Variants in BRAF observed in about 807,000 individuals in gnomAD.
The protein encoded by BRAF is B-Raf proto-oncogene, serine/threonine kinase.
A neutral mutation model predicts 104.6 loss-of-function variants in BRAF; 16 were observed. That is an observed-to-expected ratio of 0.15 (90% CI 0.10 to 0.23). The LOEUF (loss-of-function observed/expected upper bound fraction) is 0.23, where lower values mean the gene tolerates loss of function less well. Ranked by LOEUF, BRAF falls within the 10% of genes least tolerant of loss-of-function variation. The probability of loss-of-function intolerance (pLI) is 1.00; values close to 1 mark genes in which losing one functional copy is unlikely to be tolerated. For synonymous variants in BRAF, 310 were observed against 341.6 expected (o/e 0.91, Z 1.02); for missense variants, 541 against 937.3 (o/e 0.58, Z 5.52).
intron 1 of BRAF, among the ~76,000 whole-genome samples, chr7:140,913,468 G>GTTT (rs1817228923): frequency 1.2e-5 from 1 of 85,178 alleles, no homozygotes; most frequent in East Asian, 4.6e-4. Flanking sequence ...GTTAATCACA[G>GTTT]CTTTTTTTTT....
At chr7:140,714,348 C>T (rs1795090930), downstream of BRAF, among the ~76,000 whole-genome samples, 1 of 152,156 alleles carries the variant, frequency 6.6e-6, no homozygotes, top group Admixed American at 6.5e-5. Context: ...CAGAATTCTC[C>T]TCTACCCACA....
At chr7:140,785,246 T>A (rs1472764680) in intron 10 of BRAF, among the ~76,000 whole-genome samples, 1 of 152,108 alleles carries the variant, frequency 6.6e-6, no homozygotes, top group African/African-American at 2.4e-5. Context: ...TAAAATCTCA[T>A]AATAGAAGTT....
chr7:140,878,554 G>T (rs932213251), intron 1 of BRAF, among the ~76,000 whole-genome samples: 2 of 148,394 alleles, frequency 1.3e-5, no homozygotes, highest in Admixed American at 1.3e-4. Flanking sequence ...GGATCTCATG[G>T]AGGTAGACAG....
intron 3 of BRAF, among the ~76,000 whole-genome samples, chr7:140,817,617 T>C (rs752040604): frequency 6.6e-6 from 1 of 152,108 alleles, no homozygotes; most frequent in Non-Finnish European, 1.5e-5. Flanking sequence ...TGGAACAGAA[T>C]AGAGAACAAT....
intron 1 of BRAF, among the ~76,000 whole-genome samples, chr7:140,907,747 CT>C (rs565747786): frequency 3.0e-3 from 432 of 143,126 alleles, no homozygotes; most frequent in African/African-American, 3.4e-3. Flanking sequence ...ACCAAAGTAA[CT>C]TTTTTTTTTT....
chr7:140,895,925 T>C (rs1814837232), intron 1 of BRAF, among the ~76,000 whole-genome samples: 1 of 152,188 alleles, frequency 6.6e-6, no homozygotes, highest in Admixed American at 6.5e-5. Flanking sequence ...TTCCCTTCCT[T>C]TGGGTAAACG....
In BRAF at chr7:140,793,697, C is replaced by T. The variant is rs541136908; in HGVS notation, c.1140+611G>A. On this transcript the variant is annotated intron_variant, in intron 8 of 19. Coordinates refer to ENST00000644969, the MANE Select transcript of BRAF (RefSeq NM_001374258.1). Reference sequence around the variant, plus strand: ...CTGGAGTGCAGTGGTGCAAACATAGCTCACTGCAGCCTTGACCTCCTGGGC... The same window carrying T: ...CTGGAGTGCAGTGGTGCAAACATAGTTCACTGCAGCCTTGACCTCCTGGGC... 5.9e-5 allele frequency among the ~76,000 whole-genome samples: 9 copies of T among 152,242 alleles called. No individual in the cohort carries two copies. In the South Asian group the frequency reaches 1.5e-3, roughly 25 times the overall value.
At chr7:140,737,617 T>A (rs549086834) in intron 18 of BRAF, among the ~76,000 whole-genome samples, 1 of 152,234 alleles carries the variant, frequency 6.6e-6, no homozygotes. Flanking sequence ...TTTTTCTATA[T>A]AGAAGTTTAA....
chr7:140,858,689 G>T lies in BRAF; in HGVS notation c.139-8477C>A, dbSNP rs552857674. Among the ~76,000 whole-genome samples the T allele has an allele frequency of 6.6e-5, 10 of 152,250 alleles. No homozygotes were observed. In the South Asian group the frequency reaches 2.1e-3, roughly 32 times the overall value. ...TCTGAACACATATCAGATGTAAGAT[G>T]ATAGAATTTTAACCTTCCTACATAT... is the stretch of plus-strand genomic sequence containing the variant. On this transcript the variant is annotated intron_variant, in intron 1 of 19. Transcript: ENST00000644969.
At chr7:140,850,386 T>C (rs1487744755) in intron 1 of BRAF, among the ~76,000 whole-genome samples, 174 bp from the exon 2 acceptor site, 1 of 152,198 alleles carries the variant, frequency 6.6e-6, no homozygotes, top group African/African-American at 2.4e-5. Flanking sequence ...TAAATTTTTT[T>C]CTACACTAGT....
intron 3 of BRAF, among the ~76,000 whole-genome samples, chr7:140,833,044 T>C (rs930533646): frequency 6.6e-6 from 1 of 151,868 alleles, no homozygotes; most frequent in African/African-American, 2.4e-5. Context: ...CCGCTAATCT[T>C]TTTGTATTTT....
intron 1 of BRAF, among the ~76,000 whole-genome samples, chr7:140,896,931 T>A (rs1814987850): frequency 6.6e-6 from 1 of 150,980 alleles, no homozygotes; most frequent in Non-Finnish European, 1.5e-5. Context: ...AAAAACCATG[T>A]TCATGAATTG....
At chr7:140,730,751 A>T (rs182207180) in intron 19 of BRAF, 1 of 152,122 alleles carries the variant, frequency 6.6e-6, no homozygotes, top group East Asian at 1.9e-4. Flanking sequence ...GTGATTTTAG[A>T]CACCTCAAAT....
chr7:140,821,568 T>G (rs1204256625), intron 3 of BRAF, among the ~76,000 whole-genome samples: 1 of 151,776 alleles, frequency 6.6e-6, no homozygotes, highest in Non-Finnish European at 1.5e-5. Flanking sequence ...CCTCCCAAAG[T>G]GCTGGCAAAA....
At chr7:140,740,265 C>T (rs182485782) in intron 17 of BRAF, 3 of 226,488 alleles carry the variant, frequency 1.3e-5, no homozygotes, top group South Asian at 8.9e-5. Context: ...AGTGCCTCTT[C>T]TTTACTTTAA....
In BRAF at chr7:140,721,449, C is replaced by T; in HGVS notation, c.*5045G>A. On this transcript the variant is annotated 3_prime_UTR_variant, in exon 20 of 20. Coordinates refer to ENST00000644969, the MANE Select transcript of BRAF (RefSeq NM_001374258.1). ...TGAATTTCAATTTAAATGTCTTTGC[C>T]CAAACAAAAGTGAAAATAGGTTATT... is the stretch of plus-strand genomic sequence containing the variant. 7.9e-7 allele frequency: 1 copy of T among 1,262,844 alleles called. No individual in the cohort carries two copies. Among genetic ancestry groups the T allele is most frequent in the Non-Finnish European group, 9.9e-7 (1 of 1,005,068 alleles). The allele number at this position is 1,262,844 out of a possible 1,614,324, so 78.2% of individuals were successfully genotyped here. A position where few individuals can be genotyped will look rare whatever the true frequency, so the allele number is the denominator to read the frequency against.
chr7:140,876,830 G>A (rs974798063), intron 1 of BRAF, among the ~76,000 whole-genome samples: 7 of 151,958 alleles, frequency 4.6e-5, no homozygotes, highest in Non-Finnish European at 1.0e-4. Context: ...CTACTTAACA[G>A]CTGAATACAT....
At chr7:140,750,580 G>A (rs1025395303) in intron 16 of BRAF, among the ~76,000 whole-genome samples, 1 of 152,132 alleles carries the variant, frequency 6.6e-6, no homozygotes, top group African/African-American at 2.4e-5. Context: ...TGAAGAGCGT[G>A]AGAGGATGGA....
rs569256386 is a variant in BRAF at position 140,908,865 on chromosome 7, T to C, written c.138+15701A>G. Reference sequence around the variant, plus strand: ...AAAACCAAAGCCCAACTTGTACAGATTGGCAACTGCCTTTAGGGCAAAAGC... The same window carrying C: ...AAAACCAAAGCCCAACTTGTACAGACTGGCAACTGCCTTTAGGGCAAAAGC... On this transcript the variant is annotated intron_variant, in intron 1 of 19. Coordinates refer to ENST00000644969, the MANE Select transcript of BRAF (RefSeq NM_001374258.1). Among the ~76,000 whole-genome samples the C allele has an allele frequency of 9.9e-5, 15 of 151,420 alleles. 1 individual carries two copies. The East Asian group carries it at 2.9e-3, about 30-fold the overall frequency.
Sources: gnomAD v4.1 joint callset for allele counts (sites outside exome capture counted in the v4.1 genomes callset) on GRCh38, gnomAD v4.1.1 for gene constraint, MANE v1.5 for transcripts, NCBI Gene and HGNC (gene_info 2026-07-23, HGNC 2026-07-21) for gene names.